NDST3: variants seen among roughly 807,000 people sequenced by gnomAD.
The protein encoded by NDST3 is bifunctional heparan sulfate N-deacetylase/N-sulfotransferase 3.
Under a neutral mutation model 96.1 loss-of-function variants are expected in NDST3, and 58 were observed. That is an observed-to-expected ratio of 0.60 (90% confidence interval 0.49 to 0.75). NDST3 has a LOEUF of 0.75. Ranked by LOEUF, NDST3 falls within the 30% of genes least tolerant of loss-of-function variation. The pLI is 0.00. For missense variants in NDST3, 788 were observed against 1,034.2 expected, an observed-to-expected ratio of 0.76 and a Z score of 3.27; for synonymous variants, 333 against 359.7, an observed-to-expected ratio of 0.93 and a Z score of 0.84.
intron 6 of NDST3, among the ~76,000 whole-genome samples, chr4:118,198,847 T>C (rs1737874127): frequency 6.6e-6 from 1 of 152,184 alleles, no homozygotes; most frequent in Non-Finnish European, 1.5e-5. Context: ...GCATAAAAGT[T>C]CTCTTCCCTT....
At chr4:118,137,739 C>T (rs1733230414) in intron 4 of NDST3, among the ~76,000 whole-genome samples, 4 of 152,014 alleles carry the variant, frequency 2.6e-5, no homozygotes, top group South Asian at 4.2e-4. Flanking sequence ...AACTTGTTGA[C>T]GTATGGGCAA....
intron 2 of NDST3, among the ~76,000 whole-genome samples, chr4:118,096,901 C>G (rs950833687): frequency 1.3e-5 from 2 of 151,846 alleles, no homozygotes; most frequent in African/African-American, 4.8e-5. Flanking sequence ...GTTCGATACT[C>G]AAGAGTCAAT....
intron 6 of NDST3, among the ~76,000 whole-genome samples, chr4:118,166,415 C>G (rs539865573): frequency 6.6e-6 from 1 of 151,802 alleles, no homozygotes; most frequent in African/African-American, 2.4e-5. Flanking sequence ...TAACCAAAAG[C>G]CTTCCAACAA....
chr4:118,247,757 T>A (rs660905), intron 12 of NDST3, among the ~76,000 whole-genome samples: 145,445 of 152,256 alleles, frequency 0.96, 69,836 homozygotes, highest in East Asian at 1. Flanking sequence ...AATAATACCT[T>A]AAAAAAGTTG....
At chr4:118,117,095 T>A (rs1447309748) in intron 4 of NDST3, among the ~76,000 whole-genome samples, 1 of 152,004 alleles carries the variant, frequency 6.6e-6, no homozygotes, top group African/African-American at 2.4e-5. Context: ...CAGAAGAGAG[T>A]AGTTGTAATA....
chr4:118,258,235 C>A lies in NDST3; in HGVS notation c.*2523C>A, dbSNP rs1742230430. On this transcript the variant is annotated 3_prime_UTR_variant, in exon 14 of 14. Transcript: ENST00000296499. Reference sequence around the variant, plus strand: ...AGTACATGTATTACGCTAGCTAGAGCAGCAAACCTGTGAAAGGATTTTTGA... The same window carrying A: ...AGTACATGTATTACGCTAGCTAGAGAAGCAAACCTGTGAAAGGATTTTTGA... 1 of 152,180 alleles carries A rather than the reference C, an allele frequency of 6.6e-6. No individual in the cohort carries two copies. Among genetic ancestry groups the A allele is most frequent in the Admixed American group, 6.5e-5 (1 of 15,280 alleles). 9.4% of individuals were successfully genotyped at this position (152,180 alleles called of 1,614,324 possible). A position where few individuals can be genotyped will look rare whatever the true frequency, so the allele number is the denominator to read the frequency against.
intron 6 of NDST3, among the ~76,000 whole-genome samples, chr4:118,169,243 T>C (rs1735763776): frequency 6.6e-6 from 1 of 152,164 alleles, no homozygotes; most frequent in South Asian, 2.1e-4. Flanking sequence ...ACAAATAGTC[T>C]GGACTTTTCT....
intron 2 of NDST3, among the ~76,000 whole-genome samples, chr4:118,064,465 T>C (rs184015797): frequency 2.0e-4 from 31 of 152,186 alleles, no homozygotes; most frequent in Admixed American, 1.8e-3. Flanking sequence ...TGAGATCTAC[T>C]TGACATCATT....
chr4:118,053,705 C>T (rs547772997), intron 1 of NDST3, 51 bp from the exon 2 acceptor site: 1 of 510,048 alleles, frequency 2.0e-6, no homozygotes, highest in East Asian at 3.4e-5. Context: ...TAAAAACTTG[C>T]TTATTTTAAT....
chr4:118,073,849 A>T (rs1373937584), intron 2 of NDST3, among the ~76,000 whole-genome samples: 1 of 151,796 alleles, frequency 6.6e-6, no homozygotes, highest in Admixed American at 6.6e-5. Context: ...TACATTTAAG[A>T]TATTTCTAAC....
At chr4:118,094,351 T>A (rs184447821) in intron 2 of NDST3, among the ~76,000 whole-genome samples, 17 of 151,940 alleles carry the variant, frequency 1.1e-4, no homozygotes, top group Non-Finnish European at 1.9e-4. Flanking sequence ...TAATCTATGG[T>A]ATAATCTAAA....
At chr4:118,212,359 C>T (rs189544120) in intron 6 of NDST3, among the ~76,000 whole-genome samples, 3 of 152,052 alleles carry the variant, frequency 2.0e-5, no homozygotes, top group African/African-American at 7.2e-5. Flanking sequence ...AGCAACATGG[C>T]GAAACCCCAT....
chr4:118,054,989 G>T (rs1255718118), intron 2 of NDST3, 98 bp downstream of exon 2: 1 of 1,465,076 alleles, frequency 6.8e-7, no homozygotes, highest in Non-Finnish European at 9.4e-7. Flanking sequence ...CCAGGACATG[G>T]GATTTACTGG....
chr4:118,054,210 A>G lies in NDST3; in HGVS notation c.300A>G (p.Glu100=), dbSNP rs1468022097. 1.2e-6 allele frequency: 2 copies of G among 1,612,928 alleles called. No homozygotes were observed. Among genetic ancestry groups the G allele is most frequent in the African/African-American group, 2.7e-5 (2 of 74,852 alleles). ...SLGQDIIMIL[E]SSRFQYHIEI... is the part of the protein sequence containing the mutation. ...GTCAAGACATCATTATGATTCTAGA[A>G]TCAAGTAGATTCCAGTATCACATTG... The change falls in exon 2 of 14, where the codon GAA becomes GAG. Residue 100 remains glutamate (E), a synonymous_variant. Transcript: ENST00000296499.
chr4:118,204,423 G>C (rs1389074236), intron 6 of NDST3, among the ~76,000 whole-genome samples: 1 of 144,738 alleles, frequency 6.9e-6, no homozygotes, highest in Non-Finnish European at 1.5e-5. Flanking sequence ...CCACGTGGTG[G>C]AAGATTTACG....
intron 4 of NDST3, among the ~76,000 whole-genome samples, chr4:118,118,015 G>A (rs541949198): frequency 3.9e-5 from 6 of 152,226 alleles, no homozygotes; most frequent in Non-Finnish European, 8.8e-5. Flanking sequence ...AGGGGTAGGG[G>A]AGACAAAAAA....
intron 6 of NDST3, among the ~76,000 whole-genome samples, chr4:118,219,792 A>G (rs930306348): frequency 1.3e-5 from 2 of 152,096 alleles, no homozygotes; most frequent in Admixed American, 6.6e-5. Context: ...AATCCACTAC[A>G]AGGAATTTAA....
At chr4:118,086,010 T>C (rs911602186) in intron 2 of NDST3, among the ~76,000 whole-genome samples, 1 of 152,220 alleles carries the variant, frequency 6.6e-6, no homozygotes, top group African/African-American at 2.4e-5. Context: ...TTCTGTTCCA[T>C]ATGACTACCA....
rs148918107 is a variant in NDST3, at chr4:118,188,700, G to A, written c.1540-35791G>A. ...CCAGTCAGTTTCTCATTAGATTTCT[G>A]GGAATTCTTATCCAGGCTTCATAAT... On this transcript the variant is annotated intron_variant, in intron 6 of 13. Transcript: ENST00000296499. 3.9e-5 allele frequency among the ~76,000 whole-genome samples: 6 copies of A among 152,218 alleles called. No individual in the cohort carries two copies. The East Asian group carries it at 1.2e-3, about 29-fold the overall frequency.
Sources: gnomAD v4.1 joint callset for allele counts (sites outside exome capture counted in the v4.1 genomes callset) on GRCh38, gnomAD v4.1.1 for gene constraint, MANE v1.5 for transcripts, NCBI Gene and HGNC (gene_info 2026-07-23, HGNC 2026-07-21) for gene names.